Variants in FRAS1 observed in about 807,000 individuals in gnomAD.
The protein encoded by FRAS1 is Fraser extracellular matrix complex subunit 1.
FRAS1 carries 290 observed loss-of-function variants against 435.2 expected under a neutral mutation model. That is an observed-to-expected ratio of 0.67 (90% CI 0.61 to 0.73). The LOEUF (loss-of-function observed/expected upper bound fraction) is 0.73. Ranked by LOEUF, FRAS1 falls within the 30% of genes least tolerant of loss-of-function variation. FRAS1 has a pLI of 0.00. For missense variants in FRAS1, 4,860 were observed against 5,001.5 expected (o/e 0.97, Z 0.85); for synonymous variants, 1,800 against 1,851.0 (o/e 0.97, Z 0.71).
At chr4:78,286,215 A>G (rs1382741191) in intron 13 of FRAS1, 190 bp from the exon 14 acceptor site, 3 of 714,894 alleles carry the variant, frequency 4.2e-6, no homozygotes, top group Non-Finnish European at 7.6e-6. Context: ...TCATATACGT[A>G]AAGCACTTCA....
intron 2 of FRAS1, among the ~76,000 whole-genome samples, chr4:78,091,978 CAAAAAAAAA>C (rs34804542): frequency 7.2e-5 from 6 of 83,732 alleles, no homozygotes; most frequent in Admixed American, 4.8e-4. Context: ...GAGACTGTCT[CAAAAAAAAA>C]AAAAAAAAAA....
chr4:78,288,539 T>C (rs147540579), intron 14 of FRAS1, among the ~76,000 whole-genome samples: 132 of 152,222 alleles, frequency 8.7e-4, no homozygotes, highest in African/African-American at 2.9e-3. Context: ...TTTACGTAGC[T>C]CACTGCTTCA....
chr4:78,339,434 G>A (rs1197347517), intron 20 of FRAS1, among the ~76,000 whole-genome samples: 1 of 152,198 alleles, frequency 6.6e-6, no homozygotes, highest in Non-Finnish European at 1.5e-5. Flanking sequence ...ATGGTACAAA[G>A]CAATTTAGGG....
intron 2 of FRAS1, among the ~76,000 whole-genome samples, chr4:78,155,638 G>A (rs1230776076): frequency 6.6e-6 from 1 of 152,174 alleles, no homozygotes; most frequent in East Asian, 1.9e-4. Context: ...CGAGGAGCAG[G>A]CAGTAAGGAA....
chr4:78,450,313 G>A lies in FRAS1; in HGVS notation c.6437G>A (p.Ser2146Asn), dbSNP rs768533406. ...ATTTCTATTAAAGGCCCCATCCGAAGTTTCACCCAGGCAGACATTAGCCAA... is the reference window on the plus strand; with the variant it reads ...ATTTCTATTAAAGGCCCCATCCGAAATTTCACCCAGGCAGACATTAGCCAA... ...EQISIKGPIR[S>N]FTQADISQGH... The change falls in exon 45 of 74, where the codon AGT becomes AAT. Residue 2146 changes from serine (S) to asparagine (N), a missense_variant. Ser to Asn is a conservative substitution (Grantham distance 46, BLOSUM62 1). Transcript: ENST00000512123. 2.5e-6 allele frequency: 4 copies of A among 1,613,852 alleles called. No individual in the cohort carries two copies. The highest frequency in any genetic ancestry group is 3.4e-6 in the Non-Finnish European group (4 of 1,179,810).
At chr4:78,534,054 C>T (rs369418527) in intron 70 of FRAS1, among the ~76,000 whole-genome samples, 5 of 152,072 alleles carry the variant, frequency 3.3e-5, no homozygotes, top group Admixed American at 1.3e-4. Flanking sequence ...GTGGGACATG[C>T]GATAAATAAA....
chr4:78,121,654 A>T (rs562048658), intron 2 of FRAS1, among the ~76,000 whole-genome samples: 5 of 152,284 alleles, frequency 3.3e-5, no homozygotes, highest in Admixed American at 2.6e-4. Context: ...TACTCTTCAG[A>T]TGTATTATAT....
chr4:78,441,067 A>G (rs1734639466), intron 40 of FRAS1, 95 bp from the exon 41 acceptor site: 8 of 1,261,242 alleles, frequency 6.3e-6, no homozygotes, highest in South Asian at 4.1e-5. Flanking sequence ...AATTGGTGCT[A>G]GAAGGTCACC....
At chr4:78,112,410 TA>T (rs1742788396) in intron 2 of FRAS1, among the ~76,000 whole-genome samples, 1 of 152,180 alleles carries the variant, frequency 6.6e-6, no homozygotes, top group South Asian at 2.1e-4. Context: ...ATTTTATTAT[TA>T]TTTTTTATCT....
chr4:78,436,244 T>C (rs868312066), intron 38 of FRAS1, among the ~76,000 whole-genome samples: 1 of 151,974 alleles, frequency 6.6e-6, no homozygotes, highest in Admixed American at 6.5e-5. Context: ...ACCCGGGTGG[T>C]CAATAAACAT....
At chr4:78,323,460 C>A (rs1329288969) in intron 18 of FRAS1, among the ~76,000 whole-genome samples, 1 of 152,156 alleles carries the variant, frequency 6.6e-6, no homozygotes, top group Non-Finnish European at 1.5e-5. Context: ...CACAAAAAAA[C>A]TAAACAAATT....
chr4:78,337,817 G>C lies in FRAS1; in HGVS notation c.2422G>C (p.Asp808His), dbSNP rs879147930. The change falls in exon 20 of 74, where the codon GAC (aspartate) becomes CAC (histidine). Residue 808 changes from aspartate (D) to histidine (H), a missense_variant and splice_region_variant. Transcript: ENST00000512123. ...CCTCAACCTCGTGGGATACTGTGCTGGTGAGTGAAACTCCTGTGGACTCCT... is the reference window on the plus strand; with the variant it reads ...CCTCAACCTCGTGGGATACTGTGCTCGTGAGTGAAACTCCTGTGGACTCCT... Reference protein sequence around the residue: ...QFLNLVGYCADCHHLCQHCAA... With the variant: ...QFLNLVGYCAHCHHLCQHCAA... 4 of 1,613,808 alleles carry C rather than the reference G, an allele frequency of 2.5e-6. No individual in the cohort carries two copies. Among genetic ancestry groups the C allele is most frequent in the Non-Finnish European group, 3.4e-6 (4 of 1,179,780 alleles).
intron 2 of FRAS1, among the ~76,000 whole-genome samples, chr4:78,167,934 A>C (rs1366696891): frequency 1.3e-5 from 2 of 152,024 alleles, no homozygotes; most frequent in African/African-American, 2.4e-5. Context: ...TGCTTGTGGG[A>C]AGGCTCCATT....
At chr4:78,138,541 C>T (rs896829709) in intron 2 of FRAS1, among the ~76,000 whole-genome samples, 4 of 152,098 alleles carry the variant, frequency 2.6e-5, no homozygotes, top group African/African-American at 4.8e-5. Flanking sequence ...TTCATAATAG[C>T]GACGGCTTTT....
intron 47 of FRAS1, among the ~76,000 whole-genome samples, chr4:78,460,574 C>A (rs1719340625): frequency 6.6e-6 from 1 of 152,170 alleles, no homozygotes; most frequent in South Asian, 2.1e-4. Context: ...CGTAACAATT[C>A]TGAGAAATGC....
chr4:78,127,253 GA>G (rs1258639891), intron 2 of FRAS1, among the ~76,000 whole-genome samples: 1 of 152,160 alleles, frequency 6.6e-6, no homozygotes, highest in Non-Finnish European at 1.5e-5. Flanking sequence ...TGTGGAGTGG[GA>G]GGAGCAGGGA....
At chr4:78,486,393 A>T (rs1720169309) in intron 58 of FRAS1, among the ~76,000 whole-genome samples, 1 of 152,214 alleles carries the variant, frequency 6.6e-6, no homozygotes, top group African/African-American at 2.4e-5. Flanking sequence ...AAATAAAAAG[A>T]TAATTGTAGA....
intron 10 of FRAS1, 43 bp from the exon 11 acceptor site, chr4:78,281,355 G>A (rs369607229): frequency 6.6e-6 from 9 of 1,365,584 alleles, no homozygotes; most frequent in South Asian, 1.3e-5. Flanking sequence ...CAGCCTAATG[G>A]TGTTTTTAGT....
chr4:78,234,954 G>A (rs571551149), intron 2 of FRAS1, among the ~76,000 whole-genome samples: 2 of 152,308 alleles, frequency 1.3e-5, no homozygotes, highest in East Asian at 3.9e-4. Context: ...CTAAGACAGA[G>A]GCAGAGAGAT....
Sources: gnomAD v4.1 joint callset for allele counts (sites outside exome capture counted in the v4.1 genomes callset) on GRCh38, gnomAD v4.1.1 for gene constraint, MANE v1.5 for transcripts, NCBI Gene and HGNC (gene_info 2026-07-23, HGNC 2026-07-21) for gene names.